Variants in LIN28B observed in about 807,000 individuals in gnomAD.
The protein encoded by LIN28B is protein lin-28 homolog B.
In LIN28B, 5 loss-of-function variants were observed where a neutral mutation model predicts 21.9. The observed-to-expected ratio is 0.23, with a 90% CI of 0.12 to 0.48. The LOEUF (loss-of-function observed/expected upper bound fraction) is 0.48. LIN28B is among the 20% of genes least tolerant of loss of function. The probability of loss-of-function intolerance (pLI) is 0.98; values close to 1 mark genes in which losing one functional copy is unlikely to be tolerated. For missense variants in LIN28B, 245 were observed against 310.5 expected (o/e 0.79, Z 1.58); for synonymous variants, 109 against 111.3 (o/e 0.98, Z 0.13).
intron 2 of LIN28B, among the ~76,000 whole-genome samples, chr6:104,968,626 G>A (rs1025310668): frequency 1.3e-5 from 2 of 152,056 alleles, no homozygotes; most frequent in African/African-American, 4.8e-5. Flanking sequence ...TGGTGTTATA[G>A]GATATAAAGA....
chr6:105,063,648 GAA>G lies in LIN28B; in HGVS notation c.384-14760_384-14759del, dbSNP rs1230150037. On this transcript the variant is annotated intron_variant, in intron 3 of 3. Transcript: ENST00000345080. ...AAGACTCCATCTCGGGGGGGGGGGG[GAA>G]AAAAAGGTAAAGTAAAGGATAATAA... is the stretch of plus-strand genomic sequence containing the variant. Among the ~76,000 whole-genome samples the G allele has an allele frequency of 8.7e-4, 116 of 133,258 alleles. 1 individual carries two copies. Among genetic ancestry groups the G allele is most frequent in the African/African-American group, 2.0e-3 (71 of 35,812 alleles). 87.4% of individuals were successfully genotyped at this position (133,258 alleles called of 152,430 possible). A position where few individuals can be genotyped will look rare whatever the true frequency, so the allele number is the denominator to read the frequency against.
At chr6:105,013,398 T>C (rs1185375106) in intron 2 of LIN28B, among the ~76,000 whole-genome samples, 1 of 152,126 alleles carries the variant, frequency 6.6e-6, no homozygotes, top group Non-Finnish European at 1.5e-5. Context: ...ATCTTTTTTT[T>C]TAAGTAGGCA....
At chr6:105,053,723 G>A (rs890963735) in intron 3 of LIN28B, among the ~76,000 whole-genome samples, 4 of 151,574 alleles carry the variant, frequency 2.6e-5, no homozygotes, top group South Asian at 2.1e-4. Flanking sequence ...GCGTGTGTGT[G>A]TGTGTGTGTG....
At chr6:104,985,863 G>A (rs1011564259) in intron 2 of LIN28B, among the ~76,000 whole-genome samples, 1 of 152,152 alleles carries the variant, frequency 6.6e-6, no homozygotes, top group Non-Finnish European at 1.5e-5. Flanking sequence ...TGTCTTATGA[G>A]TATTCAGTTG....
intron 2 of LIN28B, among the ~76,000 whole-genome samples, chr6:104,981,242 C>T (rs1342302516): frequency 2.0e-5 from 3 of 152,072 alleles, no homozygotes; most frequent in Admixed American, 2.0e-4. Flanking sequence ...CAACTTCTAC[C>T]CCCACTCACT....
intron 3 of LIN28B, among the ~76,000 whole-genome samples, chr6:105,053,714 CGTGT>C (rs59369365): frequency 0.015 from 2,174 of 147,354 alleles, 64 homozygotes; most frequent in African/African-American, 0.05. Context: ...TGTGTGGGTG[CGTGT>C]GTGTGTGTGT....
chr6:104,986,210 A>G (rs1770338302), intron 2 of LIN28B, among the ~76,000 whole-genome samples: 1 of 152,136 alleles, frequency 6.6e-6, no homozygotes, highest in African/African-American at 2.4e-5. Flanking sequence ...CCATGATTGT[A>G]AGTTTCCTGA....
At chr6:105,031,692 C>T (rs938757411) in intron 3 of LIN28B, among the ~76,000 whole-genome samples, 1 of 151,976 alleles carries the variant, frequency 6.6e-6, no homozygotes, top group East Asian at 1.9e-4. Flanking sequence ...CACCACCACA[C>T]GTCGCTAATT....
intron 3 of LIN28B, among the ~76,000 whole-genome samples, chr6:105,064,471 C>T (rs1299643828): frequency 1.3e-5 from 2 of 151,994 alleles, no homozygotes; most frequent in Non-Finnish European, 2.9e-5. Context: ...ATAAAATAAC[C>T]CTCTTAGAAT....
chr6:104,950,411 C>T, intron 2 of LIN28B: 1 of 971,676 alleles, frequency 1.0e-6, no homozygotes, highest in Non-Finnish European at 1.3e-6. Context: ...GAAGAAGAGG[C>T]AATTAAATAG....
At chr6:104,998,997 G>A (rs1272099708) in intron 2 of LIN28B, among the ~76,000 whole-genome samples, 1 of 152,014 alleles carries the variant, frequency 6.6e-6, no homozygotes, top group Non-Finnish European at 1.5e-5. Flanking sequence ...AATCCTTGCA[G>A]TATATAGAAC....
At chr6:104,937,026 A>G (rs1422469804) in exon 2 of LIN28B, 1 of 151,728 alleles carries the variant, frequency 6.6e-6, no homozygotes, top group African/African-American at 2.4e-5. Flanking sequence ...CATTTTCCAC[A>G]GGCTGGTGTT....
chr6:105,067,806 A>T (rs1772248445), intron 3 of LIN28B, among the ~76,000 whole-genome samples: 1 of 152,222 alleles, frequency 6.6e-6, no homozygotes, highest in Admixed American at 6.5e-5. Context: ...ATGGAATGAT[A>T]TATAAAAATG....
chr6:104,957,795 A>T (rs1441411021), intron 1 of LIN28B, among the ~76,000 whole-genome samples: 2 of 152,240 alleles, frequency 1.3e-5, no homozygotes, highest in East Asian at 3.9e-4. Context: ...CAAGTAAAGT[A>T]TCGCATGCTG....
chr6:105,055,470 T>A (rs759250403), intron 3 of LIN28B, among the ~76,000 whole-genome samples: 10 of 152,170 alleles, frequency 6.6e-5, no homozygotes, highest in Non-Finnish European at 4.4e-5. Flanking sequence ...CCCTCCTTAG[T>A]CTTGATTAAG....
At chr6:105,016,695 G>A (rs749608005) in intron 2 of LIN28B, among the ~76,000 whole-genome samples, 1 of 152,072 alleles carries the variant, frequency 6.6e-6, no homozygotes, top group Non-Finnish European at 1.5e-5. Context: ...ATGTTTCAGG[G>A]ATGGTTTTAG....
intron 3 of LIN28B, among the ~76,000 whole-genome samples, chr6:105,043,413 A>G (rs1457046398): frequency 6.7e-6 from 1 of 150,008 alleles, no homozygotes; most frequent in African/African-American, 2.4e-5. Context: ...AAGAAAACAC[A>G]TGAGTAAAAC....
chr6:105,001,623 C>T (rs886351563), intron 2 of LIN28B, among the ~76,000 whole-genome samples: 1 of 151,884 alleles, frequency 6.6e-6, no homozygotes, highest in Non-Finnish European at 1.5e-5. Context: ...TGTAAGAGAA[C>T]GGAAGAATTA....
At position 104,958,249 on chromosome 6, in the gene LIN28B, G is replaced by C; in HGVS notation, c.161G>C (p.Ser54Thr). The change falls in exon 2 of 4, where the codon AGC becomes ACC. Residue 54 changes from serine to threonine, a missense_variant. Physicochemically the swap from Ser to Thr is moderately conservative, Grantham distance 58 (BLOSUM62 1). Coordinates refer to ENST00000345080, the MANE Select transcript of LIN28B (RefSeq NM_001004317.4). ...ATCTCCATGATAAACCGAGAGGGAA[G>C]CCCCTTGGATATTCCAGTCGATGTA... ...GFISMINREG[S>T]PLDIPVDVFV... 6.3e-7 allele frequency: 1 copy of C among 1,590,378 alleles called. No individual in the cohort carries two copies. The highest frequency in any genetic ancestry group is 8.6e-7 in the Non-Finnish European group (1 of 1,162,538).
Sources: gnomAD v4.1 joint callset for allele counts (sites outside exome capture counted in the v4.1 genomes callset) on GRCh38, gnomAD v4.1.1 for gene constraint, MANE v1.5 for transcripts, NCBI Gene and HGNC (gene_info 2026-07-23, HGNC 2026-07-21) for gene names.